The following PCDHGB3 variants were observed in gnomAD, a reference collection of about 807,000 sequenced individuals.
PCDHGB3 encodes the protein protocadherin gamma-B3.
A neutral mutation model predicts 59.2 loss-of-function variants in PCDHGB3; 40 were observed. That is an observed-to-expected ratio of 0.68 (90% CI 0.52 to 0.88). The LOEUF is 0.88. Ranked by LOEUF, PCDHGB3 falls within the 40% of genes least tolerant of loss-of-function variation. The probability of loss-of-function intolerance (pLI) is 0.00; values close to 1 mark genes in which losing one functional copy is unlikely to be tolerated. For missense variants in PCDHGB3, 1,309 were observed against 1,187.9 expected, an observed-to-expected ratio of 1.10 and a Z score of -1.50; for synonymous variants, 581 against 503.6, an observed-to-expected ratio of 1.15 and a Z score of -2.06.
At position 141,371,395 on chromosome 5, in the gene PCDHGB3, A is replaced by G. The variant is rs746973366; in HGVS notation, c.1001A>G (p.Gln334Arg). ...CATCACACTGCATATTGTAAAGTACAGATAGATATTTCAGATGAAAATGAC... is the reference window on the plus strand; with the variant it reads ...CATCACACTGCATATTGTAAAGTACGGATAGATATTTCAGATGAAAATGAC... ...GGHHTAYCKVQIDISDENDNA... is the reference protein window; with the variant it reads ...GGHHTAYCKVRIDISDENDNA... The change falls in exon 1 of 4, where the codon CAG becomes CGG. Residue 334 changes from glutamine to arginine, a missense_variant. Coordinates refer to ENST00000576222, the MANE Select transcript of PCDHGB3 (RefSeq NM_018924.5). The G allele has an allele frequency of 5.0e-6, 8 of 1,614,026 alleles. No homozygotes were observed. Among genetic ancestry groups the G allele is most frequent in the Non-Finnish European group, 5.9e-6 (7 of 1,179,894 alleles).
intron 1 of PCDHGB3, chr5:141,422,528 C>T: frequency 5.0e-6 from 8 of 1,614,018 alleles, no homozygotes; most frequent in Non-Finnish European, 5.1e-6. Flanking sequence ...CCGCCTTTGT[C>T]TGCAGAAACT....
intron 1 of PCDHGB3, chr5:141,409,705 G>A (rs747252229): frequency 6.2e-6 from 10 of 1,613,134 alleles, no homozygotes; most frequent in Non-Finnish European, 7.6e-6. Flanking sequence ...CCCTGGCGGT[G>A]TCGTCATACG....
intron 1 of PCDHGB3, chr5:141,442,367 T>C (rs1304138950): frequency 6.6e-6 from 1 of 152,282 alleles, no homozygotes; most frequent in Non-Finnish European, 1.5e-5. Flanking sequence ...TATGATGCCA[T>C]ATTCCTACCA....
At chr5:141,413,357 G>C in intron 1 of PCDHGB3, 1 of 1,613,992 alleles carries the variant, frequency 6.2e-7, no homozygotes, top group Non-Finnish European at 8.5e-7. Context: ...CTGGCGCCCC[G>C]GGAGCTGGCG....
In PCDHGB3 at chr5:141,415,739, GGTTTTT is replaced by G; in HGVS notation, c.2415+42931_2415+42936del. On this transcript the variant is annotated intron_variant, in intron 1 of 3. Coordinates refer to ENST00000576222, the MANE Select transcript of PCDHGB3 (RefSeq NM_018924.5). ...ATGAGTAGAATTTGATGTTTATTAA[GGTTTTT>G]TTTTTTTTTTTTTTTTTTTTTTTTT... is the stretch of plus-strand genomic sequence containing the variant. 1.4e-4 allele frequency: 59 copies of G among 434,890 alleles called. 1 individual carries two copies. The African/African-American group carries it at 1.6e-3, about 12-fold the overall frequency. The allele number at this position is 434,890 out of a possible 1,614,324, so 26.9% of individuals were successfully genotyped here.
intron 1 of PCDHGB3, among the ~76,000 whole-genome samples, chr5:141,397,283 A>G: frequency 6.6e-6 from 1 of 152,232 alleles, no homozygotes; most frequent in East Asian, 1.9e-4. Context: ...TGGGCAGTAT[A>G]CTTGAATGAA....
intron 1 of PCDHGB3, chr5:141,394,441 G>A (rs1161641966): frequency 6.2e-7 from 1 of 1,614,236 alleles, no homozygotes; most frequent in Admixed American, 1.7e-5. Flanking sequence ...CCGCCCCTCA[G>A]CAGCAACATG....
intron 1 of PCDHGB3, chr5:141,418,428 A>G: frequency 6.2e-7 from 1 of 1,613,980 alleles, no homozygotes; most frequent in Non-Finnish European, 8.5e-7. Flanking sequence ...GATGGTGGCA[A>G]ATATCCAGAA....
At chr5:141,408,838 G>A in intron 1 of PCDHGB3, 1 of 1,613,588 alleles carries the variant, frequency 6.2e-7, no homozygotes, top group African/African-American at 1.3e-5. Flanking sequence ...GCTTGATATT[G>A]ACTGCCTTGG....
intron 1 of PCDHGB3, chr5:141,410,752 G>GT: frequency 4.4e-6 from 5 of 1,130,822 alleles, no homozygotes; most frequent in Non-Finnish European, 5.8e-6. Context: ...TTTTCTCAAT[G>GT]TTTTTTCAAT....
intron 1 of PCDHGB3, chr5:141,374,905 C>T (rs756655009): frequency 1.2e-6 from 2 of 1,613,616 alleles, no homozygotes; most frequent in Non-Finnish European, 8.5e-7. Flanking sequence ...AAGGAGTCCA[C>T]GGGGAAGTAA....
chr5:141,389,604 G>A, intron 1 of PCDHGB3: 1 of 1,613,156 alleles, frequency 6.2e-7, no homozygotes, highest in Non-Finnish European at 8.5e-7. Flanking sequence ...TGCGCTCTTC[G>A]ATATGGTGCC....
At chr5:141,502,946 C>T (rs900624216) in intron 2 of PCDHGB3, among the ~76,000 whole-genome samples, 13 of 145,572 alleles carry the variant, frequency 8.9e-5, no homozygotes, top group African/African-American at 2.6e-4. Flanking sequence ...TGGGTTCAAG[C>T]GATTCTCCTG....
At chr5:141,482,901 A>G (rs192886570) in intron 1 of PCDHGB3, among the ~76,000 whole-genome samples, 1 of 152,122 alleles carries the variant, frequency 6.6e-6, no homozygotes, top group Admixed American at 6.6e-5. Context: ...GTGAAACCTC[A>G]TCTCTATTAA....
In PCDHGB3 at chr5:141,511,421, G is replaced by A. The variant is rs1289887363; in HGVS notation, c.*248G>A. 19 of 829,148 alleles carry A rather than the reference G, an allele frequency of 2.3e-5. No individual in the cohort carries two copies. The highest frequency in any genetic ancestry group is 3.8e-4 in the Middle Eastern group (1 of 2,640). 51.4% of individuals were successfully genotyped at this position (829,148 alleles called of 1,614,324 possible). On this transcript the variant is annotated 3_prime_UTR_variant, in exon 4 of 4. Coordinates refer to ENST00000576222, the MANE Select transcript of PCDHGB3 (RefSeq NM_018924.5). The stretch of plus-strand genomic sequence containing the variant: ...CCAATCAACTGCTGTACCCATGGGG[G>A]TAGTGGGGTTACTGTAGACACCAAG...
chr5:141,489,229 G>C lies in PCDHGB3; in HGVS notation c.2416-5578G>C. The C allele has an allele frequency of 6.6e-7, 1 of 1,522,252 alleles. No homozygotes were observed. Among genetic ancestry groups the C allele is most frequent in the Non-Finnish European group, 8.8e-7 (1 of 1,133,810 alleles). The allele number at this position is 1,522,252 out of a possible 1,614,324, so 94.3% of individuals were successfully genotyped here. On this transcript the variant is annotated intron_variant, in intron 1 of 3. Coordinates refer to ENST00000576222, the MANE Select transcript of PCDHGB3 (RefSeq NM_018924.5). This position sits in a 1 kb window ranked among gnomAD's most constrained non-coding sequence, Gnocchi z 4.5. ...AGCACAGACTTACTCTCCACAAAGG[G>C]ACTTCTGGGTCATGGGGCCCAAGAC...
chr5:141,393,427 A>G (rs2092758301), intron 1 of PCDHGB3: 2 of 1,613,922 alleles, frequency 1.2e-6, no homozygotes, highest in Admixed American at 3.3e-5. Flanking sequence ...AGGGAGGAAG[A>G]GGCTGCTCAC....
intron 1 of PCDHGB3, chr5:141,383,918 T>C: frequency 6.2e-7 from 1 of 1,613,948 alleles, no homozygotes. Flanking sequence ...GTTTTAGATG[T>C]AAATGATAAT....
At chr5:141,414,081 T>C (rs748527220) in intron 1 of PCDHGB3, 1 of 1,601,774 alleles carries the variant, frequency 6.2e-7, no homozygotes, top group South Asian at 1.1e-5. Flanking sequence ...ACAAATATAC[T>C]GGAGAAATAA....
Sources: gnomAD v4.1 joint callset for allele counts (sites outside exome capture counted in the v4.1 genomes callset) on GRCh38, gnomAD v4.1.1 for gene constraint, Gnocchi (gnomAD v3.1) non-coding constraint, MANE v1.5 for transcripts, NCBI Gene and HGNC (gene_info 2026-07-23, HGNC 2026-07-21) for gene names.